GBA1: variants seen among roughly 807,000 people sequenced by gnomAD.
GBA1 encodes glucosylceramidase beta 1.
At chr1:155,237,883 CAGAG>C in the GBA1 span, 12 of 626,704 alleles carry the variant, frequency 1.9e-5, no homozygotes, top group Non-Finnish European at 3.0e-5. Flanking sequence ...GCCTGGGTGA[CAGAG>C]AGAGAGACTC....
chr1:155,236,183 T>C, the GBA1 span: 2 of 1,406,046 alleles, frequency 1.4e-6, no homozygotes, highest in African/African-American at 1.4e-5. Flanking sequence ...CTGTCAGTCT[T>C]TGGTGAAACT....
the GBA1 span, chr1:155,240,629 C>T: frequency 7.8e-5 from 126 of 1,613,000 alleles, no homozygotes; most frequent in Non-Finnish European, 8.7e-5. Context: ...GACTCACTCA[C>T]CTGATGCCCA....
the GBA1 span, chr1:155,239,665 C>G: frequency 1.2e-6 from 2 of 1,614,174 alleles, no homozygotes; most frequent in Non-Finnish European, 1.7e-6. Context: ...CAGGGGGTGA[C>G]AGGGCAAGGA....
chr1:155,240,409 A>C, the GBA1 span: 5 of 616,156 alleles, frequency 8.1e-6, no homozygotes, highest in Non-Finnish European at 1.4e-5. Context: ...GGTTGGAATG[A>C]GCCAAAATTG....
the GBA1 span, chr1:155,241,213 T>C: frequency 8.8e-7 from 1 of 1,133,600 alleles, no homozygotes. Context: ...GTACCTGCCT[T>C]AGCTATAGGC....
At chr1:155,237,934 A>G in the GBA1 span, 1 of 677,656 alleles carries the variant, frequency 1.5e-6, no homozygotes, top group East Asian at 2.7e-5. Flanking sequence ...AAATAAAAAG[A>G]AAGTGGGCCA....
At chr1:155,235,604 G>T in the GBA1 span, 8 of 1,425,388 alleles carry the variant, frequency 5.6e-6, no homozygotes, top group Non-Finnish European at 6.8e-6. Flanking sequence ...CTCCCTCGTG[G>T]TGTAGAGTGA....
the GBA1 span, chr1:155,235,869 G>C: frequency 6.2e-7 from 1 of 1,614,226 alleles, no homozygotes; most frequent in Non-Finnish European, 8.5e-7. Flanking sequence ...AAGGCAAAGA[G>C]ACAAAGGCGC....
the GBA1 span, among the ~76,000 whole-genome samples, chr1:155,237,751 A>G: frequency 2.0e-5 from 3 of 151,970 alleles, no homozygotes; most frequent in Non-Finnish European, 2.9e-5. Context: ...AAAATAGAAA[A>G]ATCAGCTGGG....
the GBA1 span, chr1:155,240,557 TG>T: frequency 8.5e-7 from 1 of 1,180,310 alleles, no homozygotes; most frequent in Non-Finnish European, 1.3e-6. Context: ...ACCAGCTTAC[TG>T]GAAGGCTACC....
chr1:155,238,422 A>G, the GBA1 span: 1 of 1,391,330 alleles, frequency 7.2e-7, no homozygotes, highest in South Asian at 1.2e-5. Flanking sequence ...ACAAAACAGC[A>G]GGGGACAAAA....
the GBA1 span, chr1:155,237,634 G>C: frequency 1.2e-6 from 2 of 1,603,448 alleles, no homozygotes; most frequent in Middle Eastern, 1.7e-4. Flanking sequence ...AGACCAGCTG[G>C]GTGTGGTGGC....
chr1:155,237,973 TGG>T, the GBA1 span: 1 of 757,092 alleles, frequency 1.3e-6, no homozygotes, highest in Non-Finnish European at 2.2e-6. Context: ...CCTGATGGAG[TGG>T]GCAAGATTGA....
the GBA1 span, among the ~76,000 whole-genome samples, chr1:155,243,437 C>A: frequency 6.6e-6 from 1 of 152,128 alleles, no homozygotes; most frequent in Non-Finnish European, 1.5e-5. Context: ...GCATAGTGAG[C>A]CTCTTCTTTT....
At chr1:155,236,175 G>A in the GBA1 span, 32 of 1,335,900 alleles carry the variant, frequency 2.4e-5, no homozygotes, top group Middle Eastern at 1.8e-4. Context: ...AAGGGCTTCT[G>A]TCAGTCTTTG....
chr1:155,241,998 G>A, the GBA1 span, among the ~76,000 whole-genome samples: 1 of 152,220 alleles, frequency 6.6e-6, no homozygotes, highest in African/African-American at 2.4e-5. Flanking sequence ...ACACAAGGAG[G>A]AAGCTGTCCA....
the GBA1 span, chr1:155,235,820 A>G: frequency 6.2e-7 from 1 of 1,614,234 alleles, no homozygotes; most frequent in Non-Finnish European, 8.5e-7. Context: ...CAGTCGGTCC[A>G]GCCGACCACA....
the GBA1 span, chr1:155,239,704 C>T: frequency 6.2e-7 from 1 of 1,614,040 alleles, no homozygotes; most frequent in East Asian, 2.2e-5. Flanking sequence ...CTGTCATGGC[C>T]CCTCCAAATC....
the GBA1 span, chr1:155,237,419 G>T: frequency 6.2e-6 from 10 of 1,613,880 alleles, no homozygotes; most frequent in Non-Finnish European, 7.6e-6. Context: ...TACTGTTGGC[G>T]AGGGTAGGAC....
Sources: allele counts gnomAD v4.1 joint callset (sites outside exome capture counted in the v4.1 genomes callset), GRCh38; gene constraint gnomAD v4.1.1; transcripts MANE v1.5; gene names NCBI Gene and HGNC (gene_info 2026-07-23, HGNC 2026-07-21).